Variants in NAALAD2 observed in about 807,000 individuals in gnomAD.
NAALAD2 encodes N-acetylated-alpha-linked acidic dipeptidase 2.
A neutral mutation model predicts 95.6 loss-of-function variants in NAALAD2; 89 were observed. That is an observed-to-expected ratio of 0.93 (90% CI 0.78 to 1.11). The LOEUF (loss-of-function observed/expected upper bound fraction) is 1.11, where lower values mean the gene tolerates loss of function less well. Among genes scored for constraint, NAALAD2 ranks in the 50% least tolerant of loss-of-function variants. The probability of loss-of-function intolerance (pLI) is 0.00; values close to 1 mark genes in which losing one functional copy is unlikely to be tolerated. For synonymous variants in NAALAD2, 264 were observed against 294.4 expected, an observed-to-expected ratio of 0.90 and a Z score of 1.06; for missense variants, 894 against 872.4, an observed-to-expected ratio of 1.02 and a Z score of -0.31.
chr11:90,189,735 C>T (rs989431034), intron 18 of NAALAD2, among the ~76,000 whole-genome samples: 1 of 151,760 alleles, frequency 6.6e-6, no homozygotes, highest in Non-Finnish European at 1.5e-5. Context: ...TGCCACTGCA[C>T]TCCAGCCTGG....
chr11:90,192,773 T>C lies in NAALAD2; in HGVS notation c.*1026T>C, dbSNP rs563700080. On this transcript the variant is annotated 3_prime_UTR_variant, in exon 19 of 19. Transcript: ENST00000534061. Reference sequence around the variant, plus strand: ...ATGAAAATAGCTACTACAATCTTCATATTCTAACTCCTATAAAGACTGTAT... The same window carrying C: ...ATGAAAATAGCTACTACAATCTTCACATTCTAACTCCTATAAAGACTGTAT... 2.0e-5 allele frequency: 3 copies of C among 152,120 alleles called. No individual in the cohort carries two copies. The highest frequency in any genetic ancestry group is 4.1e-4 in the South Asian group (2 of 4,828). 9.4% of individuals were successfully genotyped at this position (152,120 alleles called of 1,614,324 possible).
chr11:90,162,429 C>T (rs370789363), intron 8 of NAALAD2: 2 of 152,126 alleles, frequency 1.3e-5, no homozygotes, highest in East Asian at 3.9e-4. Flanking sequence ...ATAGGTGGCA[C>T]TCAACCAGCT....
At chr11:90,165,187 A>G (rs2134926829) in intron 11 of NAALAD2, among the ~76,000 whole-genome samples, 1 of 152,356 alleles carries the variant, frequency 6.6e-6, no homozygotes, top group African/African-American at 2.4e-5. Context: ...TCCAAGGTGT[A>G]CATGTACCAC....
At chr11:90,139,127 G>T (rs925771893) in intron 2 of NAALAD2, among the ~76,000 whole-genome samples, 4 of 152,080 alleles carry the variant, frequency 2.6e-5, no homozygotes, top group Non-Finnish European at 5.9e-5. Context: ...AATACCAAAA[G>T]AATTTTAAAA....
intron 15 of NAALAD2, among the ~76,000 whole-genome samples, chr11:90,176,294 G>A (rs1007929402): frequency 6.6e-6 from 1 of 152,156 alleles, no homozygotes; most frequent in Non-Finnish European, 1.5e-5. Context: ...ACAGAGTAAT[G>A]CCAGACACTT....
chr11:90,166,084 G>A (rs1360749552), intron 11 of NAALAD2, among the ~76,000 whole-genome samples: 2 of 152,114 alleles, frequency 1.3e-5, no homozygotes, highest in African/African-American at 2.4e-5. Flanking sequence ...ATATTTCTCT[G>A]TAATGGAGTC....
chr11:90,145,237 G>C (rs1053712243), intron 2 of NAALAD2, among the ~76,000 whole-genome samples: 2 of 152,160 alleles, frequency 1.3e-5, no homozygotes, highest in Non-Finnish European at 2.9e-5. Flanking sequence ...GAATATGTAT[G>C]CCTGGCGCTG....
chr11:90,163,048 T>G lies in NAALAD2; in HGVS notation c.1075+14T>G. 12 of 1,513,854 alleles carry G rather than the reference T, an allele frequency of 7.9e-6. No individual in the cohort carries two copies. Among genetic ancestry groups the G allele is most frequent in the Non-Finnish European group, 1.1e-5 (12 of 1,115,950 alleles). The allele number at this position is 1,513,854 out of a possible 1,614,324, so 93.8% of individuals were successfully genotyped here. On this transcript the variant is annotated intron_variant, in intron 9 of 18. Transcript: ENST00000534061. ...CTGTGGAACCTGGTGAGTCACATAA[T>G]TTTTTAAAACATTTTGTTTTTACAA...
chr11:90,171,929 G>T (rs1482149177), intron 13 of NAALAD2, among the ~76,000 whole-genome samples: 1 of 152,108 alleles, frequency 6.6e-6, no homozygotes, highest in East Asian at 1.9e-4. Context: ...TATAGTTCCA[G>T]CTGAGGCAGT....
chr11:90,152,381 A>AT lies in NAALAD2; in HGVS notation c.694dup (p.Tyr232LeufsTer25). ...ACTACTTTGCTCCTGAGGTACAGCC[A>AT]TATCCCAAAGGATGGAATCTTCCTG... On this transcript the variant is annotated frameshift_variant, in exon 6 of 19. Transcript: ENST00000534061. LOFTEE classifies it high-confidence loss of function. 1.2e-6 allele frequency: 2 copies of AT among 1,613,996 alleles called. No individual in the cohort carries two copies. Among genetic ancestry groups the AT allele is most frequent in the Non-Finnish European group, 1.7e-6 (2 of 1,179,916 alleles).
At chr11:90,155,859 T>G (rs1952100018) in intron 6 of NAALAD2, among the ~76,000 whole-genome samples, 1 of 142,514 alleles carries the variant, frequency 7.0e-6, no homozygotes, top group Non-Finnish European at 1.5e-5. Flanking sequence ...ATATATTATA[T>G]TATATATAAT....
In NAALAD2 at chr11:90,163,901, T is replaced by G. The variant is rs1952367485; in HGVS notation, c.1278+284T>G. 1.1e-5 allele frequency: 5 copies of G among 472,884 alleles called. No homozygotes were observed. In the South Asian group the frequency reaches 2.4e-4, roughly 22 times the overall value. The allele number at this position is 472,884 out of a possible 1,614,324, so 29.3% of individuals were successfully genotyped here. A position where few individuals can be genotyped will look rare whatever the true frequency, so the allele number is the denominator to read the frequency against. Reference sequence around the variant, plus strand: ...AAGAAAAATCAGTAAGCTCAGAAAATAATCAAAATTAATGAGATATTTTTG... The same window carrying G: ...AAGAAAAATCAGTAAGCTCAGAAAAGAATCAAAATTAATGAGATATTTTTG... On this transcript the variant is annotated intron_variant, in intron 11 of 18. Coordinates refer to ENST00000534061, the MANE Select transcript of NAALAD2 (RefSeq NM_005467.4).
chr11:90,176,386 G>A (rs538467749), intron 15 of NAALAD2, among the ~76,000 whole-genome samples: 1 of 152,178 alleles, frequency 6.6e-6, no homozygotes, highest in South Asian at 2.1e-4. Flanking sequence ...AGTCTTGCAG[G>A]CTCTGATGTA....
At chr11:90,165,128 T>C (rs1952402106) in intron 11 of NAALAD2, among the ~76,000 whole-genome samples, 1 of 152,216 alleles carries the variant, frequency 6.6e-6, no homozygotes, top group Non-Finnish European at 1.5e-5. Flanking sequence ...TCTCCATCCA[T>C]GTCCCTGCAA....
chr11:90,158,172 A>T lies in NAALAD2; in HGVS notation c.824A>T (p.Glu275Val), dbSNP rs1173923096. 3 of 1,608,982 alleles carry T rather than the reference A, an allele frequency of 1.9e-6. No homozygotes were observed. The highest frequency in any genetic ancestry group is 1.3e-5 in the African/African-American group (1 of 74,722). The change falls in exon 7 of 19, where the codon GAA (glutamate) becomes GTA (valine). Residue 275 changes from glutamate to valine, a missense_variant. Physicochemically the swap from Glu to Val is moderately radical, Grantham distance 121 (BLOSUM62 -2). Coordinates refer to ENST00000534061, the MANE Select transcript of NAALAD2 (RefSeq NM_005467.4). ...KEYTFRLDVEEGVGIPRIPVH... is the reference protein window; with the variant it reads ...KEYTFRLDVEVGVGIPRIPVH... ...TACACTTTCAGACTTGATGTTGAAGAAGGAGTGGGAATCCCCCGAATACCT... is the reference window on the plus strand; with the variant it reads ...TACACTTTCAGACTTGATGTTGAAGTAGGAGTGGGAATCCCCCGAATACCT...
intron 3 of NAALAD2, among the ~76,000 whole-genome samples, chr11:90,148,412 G>A (rs1951802947): frequency 6.6e-6 from 1 of 152,096 alleles, no homozygotes. Flanking sequence ...GGTGGCTAAT[G>A]ACTGAAGCTA....
chr11:90,149,143 A>C (rs759613010), intron 4 of NAALAD2, 36 bp downstream of exon 4: 1 of 1,380,536 alleles, frequency 7.2e-7, no homozygotes, highest in Admixed American at 1.8e-5. Flanking sequence ...AAGTCTTTAA[A>C]TGGTTCTTTT....
Position 90,191,723 on chromosome 11 carries a change from AG to A in NAALAD2, c.2201del (p.Gly734GlufsTer3). 1 of 1,589,992 alleles carries A rather than the reference AG, an allele frequency of 6.3e-7. No homozygotes were observed. Among genetic ancestry groups the A allele is most frequent in the African/African-American group, 1.4e-5 (1 of 74,056 alleles). Reference protein sequence around the residue: ...IAAFTIQAAAGTLKEVL With the variant: ...IAAFTIQAAAXTLKEVL ...CAGCTTTTACAATTCAAGCAGCAGC[AG>A]GAACTCTGAAAGAAGTATTATAGAA... On this transcript the variant is annotated frameshift_variant, in exon 19 of 19. Transcript: ENST00000534061. LOFTEE classifies it high-confidence loss of function.
chr11:90,178,670 CAA>C (rs71472288), intron 16 of NAALAD2, among the ~76,000 whole-genome samples: 8 of 113,892 alleles, frequency 7.0e-5, no homozygotes, highest in South Asian at 2.7e-4. Context: ...GGCTCCTTCT[CAA>C]AAAAAAAAAA....
Sources: gnomAD v4.1 joint callset for allele counts (sites outside exome capture counted in the v4.1 genomes callset) on GRCh38, gnomAD v4.1.1 for gene constraint, MANE v1.5 for transcripts, NCBI Gene and HGNC (gene_info 2026-07-23, HGNC 2026-07-21) for gene names.